Variants in OR2L13 observed in about 807,000 individuals in gnomAD.
The protein encoded by OR2L13 is olfactory receptor family 2 subfamily L member 13, also known as olfactory receptor 2L13.
Under a neutral mutation model 15.3 loss-of-function variants are expected in OR2L13, and 14 were observed. The observed-to-expected ratio is 0.91, with a 90% CI of 0.60 to 1.43. The LOEUF (loss-of-function observed/expected upper bound fraction) is 1.43, where lower values mean the gene tolerates loss of function less well. Ranked by LOEUF, OR2L13 falls within the 40% of genes most tolerant of loss-of-function variation. The pLI, the probability that OR2L13 is intolerant of heterozygous loss-of-function variation, is 0.00. For synonymous variants in OR2L13, 152 were observed against 142.9 expected (o/e 1.06, Z -0.45); for missense variants, 367 against 387.9 (o/e 0.95, Z 0.45).
the OR2L13 span, among the ~76,000 whole-genome samples, chr1:248,013,465 G>A: frequency 6.6e-6 from 1 of 152,126 alleles, no homozygotes; most frequent in African/African-American, 2.4e-5. Flanking sequence ...AGCCTAGAAT[G>A]TCCAAAGTCT....
the OR2L13 span, chr1:247,949,945 C>A: frequency 1.8e-6 from 1 of 551,292 alleles, no homozygotes; most frequent in Non-Finnish European, 2.9e-6. Flanking sequence ...AATTGTTTTA[C>A]AAATATATAT....
the OR2L13 span, chr1:248,041,104 A>G: frequency 6.6e-6 from 1 of 152,214 alleles, no homozygotes; most frequent in South Asian, 2.1e-4. Context: ...ATGTTGAAAG[A>G]TTTACCTAAT....
At chr1:248,011,302 T>C in the OR2L13 span, among the ~76,000 whole-genome samples, 1 of 152,144 alleles carries the variant, frequency 6.6e-6, no homozygotes, top group Non-Finnish European at 1.5e-5. Flanking sequence ...CTTATAGGGT[T>C]TCTGTAGAGA....
At chr1:247,948,114 G>A in the OR2L13 span, among the ~76,000 whole-genome samples, 1 of 152,094 alleles carries the variant, frequency 6.6e-6, no homozygotes, top group Non-Finnish European at 1.5e-5. Context: ...TCAGGAGGCT[G>A]AGGCAGGAGG....
the OR2L13 span, chr1:247,965,905 T>C: frequency 1.2e-6 from 2 of 1,612,060 alleles, no homozygotes; most frequent in African/African-American, 1.3e-5. Context: ...CATTAACCAC[T>C]TTTTCTGTGA....
the OR2L13 span, chr1:248,061,486 G>C: frequency 6.2e-7 from 1 of 1,613,986 alleles, no homozygotes; most frequent in South Asian, 1.1e-5. Flanking sequence ...ATCTCCAACA[G>C]AGGACAAGGT....
chr1:248,084,587 T>A, the OR2L13 span: 3 of 1,605,338 alleles, frequency 1.9e-6, no homozygotes, highest in Non-Finnish European at 2.6e-6. Flanking sequence ...GTAGTATTTC[T>A]CATCTCCATA....
the OR2L13 span, chr1:248,038,337 C>A: frequency 1.2e-6 from 2 of 1,613,544 alleles, no homozygotes; most frequent in Non-Finnish European, 1.7e-6. Flanking sequence ...AAGAATTGGC[C>A]TTTTCGTATT....
chr1:248,015,985 C>T, the OR2L13 span, among the ~76,000 whole-genome samples: 2 of 152,178 alleles, frequency 1.3e-5, no homozygotes, highest in Non-Finnish European at 2.9e-5. Context: ...GTTCCCAACT[C>T]TATCACTAGG....
At chr1:248,074,467 C>T in the OR2L13 span, among the ~76,000 whole-genome samples, 1 of 151,762 alleles carries the variant, frequency 6.6e-6, no homozygotes, top group East Asian at 1.9e-4. Context: ...AGCCAAAAGG[C>T]TTCTAGAACT....
the OR2L13 span, among the ~76,000 whole-genome samples, chr1:248,030,712 C>T: frequency 6.6e-6 from 1 of 152,022 alleles, no homozygotes; most frequent in East Asian, 1.9e-4. Context: ...CGCTTACAAA[C>T]TCTGAATCTC....
chr1:247,940,639 A>G, the OR2L13 span, among the ~76,000 whole-genome samples: 324 of 152,136 alleles, frequency 2.1e-3, no homozygotes, highest in Non-Finnish European at 3.8e-3. Flanking sequence ...GGTTGAATGT[A>G]TGTCTTTGCT....
the OR2L13 span, chr1:248,022,287 C>A: frequency 6.2e-7 from 1 of 1,614,160 alleles, no homozygotes; most frequent in Non-Finnish European, 8.5e-7. Flanking sequence ...AGCGCTGCTC[C>A]TGACATCAAT....
chr1:247,947,107 A>T, the OR2L13 span, among the ~76,000 whole-genome samples: 1 of 152,168 alleles, frequency 6.6e-6, no homozygotes, highest in Non-Finnish European at 1.5e-5. Flanking sequence ...ACTTCCGCTT[A>T]ATATTTTTAT....
chr1:247,953,012 A>G, the OR2L13 span, among the ~76,000 whole-genome samples: 1 of 152,164 alleles, frequency 6.6e-6, no homozygotes, highest in Admixed American at 6.6e-5. Context: ...GATTGGAGAT[A>G]AAGAGGTCAC....
upstream of OR2L13, among the ~76,000 whole-genome samples, chr1:248,095,964 G>A (rs373848577): frequency 6.6e-6 from 1 of 152,012 alleles, no homozygotes; most frequent in African/African-American, 2.4e-5. Context: ...GTGAGTCATA[G>A]TAATATAACT....
chr1:248,083,718 C>G, the OR2L13 span: 1 of 1,613,198 alleles, frequency 6.2e-7, no homozygotes, highest in South Asian at 1.1e-5. Flanking sequence ...CTTGACCTCA[C>G]TGTTCCTCAC....
At chr1:248,099,519 C>G in exon 3 of OR2L13, 2 of 1,614,082 alleles carry the variant, frequency 1.2e-6, no homozygotes, top group Non-Finnish European at 1.7e-6. Flanking sequence ...TTCACCTCAT[C>G]CACGTGGATC....
chr1:247,993,801 GAGAGAGAGAGAA>G, the OR2L13 span, among the ~76,000 whole-genome samples: 112 of 136,114 alleles, frequency 8.2e-4, 3 homozygotes, highest in African/African-American at 3.1e-3. Flanking sequence ...GAGAGAGAGA[GAGAGAGAGAGAA>G]AGAAAGAGAA....
Sources: allele counts gnomAD v4.1 joint callset (sites outside exome capture counted in the v4.1 genomes callset), GRCh38; gene constraint gnomAD v4.1.1; transcripts MANE v1.5; gene names NCBI Gene and HGNC (gene_info 2026-07-23, HGNC 2026-07-21).